SEC24A: variants seen among roughly 807,000 people sequenced by gnomAD.
SEC24A encodes SEC24 homolog A, COPII component.
Under a neutral mutation model 129.4 loss-of-function variants are expected in SEC24A, and 93 were observed. That is an observed-to-expected ratio of 0.72 (90% CI 0.61 to 0.85). The LOEUF is 0.85. SEC24A is among the 40% of genes least tolerant of loss of function. The probability of loss-of-function intolerance (pLI) is 0.00; values close to 1 mark genes in which losing one functional copy is unlikely to be tolerated. For synonymous variants in SEC24A, 460 were observed against 467.3 expected, an observed-to-expected ratio of 0.98 and a Z score of 0.20; for missense variants, 1,264 against 1,307.4, an observed-to-expected ratio of 0.97 and a Z score of 0.51.
chr5:134,701,533 C>T (rs542083366), intron 15 of SEC24A, among the ~76,000 whole-genome samples: 8 of 146,218 alleles, frequency 5.5e-5, no homozygotes, highest in Non-Finnish European at 7.5e-5. Context: ...TTTTTTGAGA[C>T]GGAGTCTCGG....
chr5:134,695,559 G>T (rs563326866), intron 13 of SEC24A, among the ~76,000 whole-genome samples: 80 of 152,212 alleles, frequency 5.3e-4, no homozygotes, highest in African/African-American at 1.9e-3. Context: ...GGCCAAGGTG[G>T]GTGGATCACG....
intron 15 of SEC24A, chr5:134,701,172 T>C (rs994710044): frequency 6.6e-6 from 1 of 152,232 alleles, no homozygotes; most frequent in Admixed American, 6.6e-5. Flanking sequence ...AATTTTTAAT[T>C]AAAATATGGA....
intron 7 of SEC24A, among the ~76,000 whole-genome samples, 196 bp from the exon 8 acceptor site, chr5:134,679,406 A>G (rs2150085871): frequency 6.6e-6 from 1 of 152,258 alleles, no homozygotes; most frequent in East Asian, 1.9e-4. Flanking sequence ...GTCTTGGAGC[A>G]AAATAGTAGG....
At chr5:134,693,979 A>T in intron 13 of SEC24A, 46 bp downstream of exon 13, 1 of 1,502,800 alleles carries the variant, frequency 6.7e-7, no homozygotes, top group South Asian at 1.1e-5. Flanking sequence ...CTGGTGTTCC[A>T]TCCCTGTGAC....
At chr5:134,685,335 C>T (rs1751413676) in intron 9 of SEC24A, among the ~76,000 whole-genome samples, 1 of 151,304 alleles carries the variant, frequency 6.6e-6, no homozygotes, top group Admixed American at 6.6e-5. Flanking sequence ...CACTGCACTC[C>T]AGCCTGAGTG....
chr5:134,670,476 G>C (rs1346786197), intron 3 of SEC24A, among the ~76,000 whole-genome samples: 1 of 152,160 alleles, frequency 6.6e-6, no homozygotes, highest in Non-Finnish European at 1.5e-5. Context: ...TTCTATTCCT[G>C]AATTAGAGCT....
intron 19 of SEC24A, among the ~76,000 whole-genome samples, chr5:134,716,614 A>G (rs1316189492): frequency 6.6e-6 from 1 of 151,898 alleles, no homozygotes; most frequent in African/African-American, 2.4e-5. Context: ...CCTGGCCAAC[A>G]TGGCGAAACC....
intron 21 of SEC24A, 21 bp downstream of exon 21, chr5:134,721,111 T>A: frequency 3.5e-6 from 5 of 1,425,832 alleles, no homozygotes; most frequent in Non-Finnish European, 4.9e-6. Flanking sequence ...TTTATTATAG[T>A]GATTATAAAG....
chr5:134,652,713 G>A (rs1490535936), intron 1 of SEC24A, among the ~76,000 whole-genome samples: 4 of 152,162 alleles, frequency 2.6e-5, no homozygotes, highest in East Asian at 1.9e-4. Context: ...TCAGCTTCCC[G>A]AGTAGCTGGG....
chr5:134,686,468 C>T (rs745825063), intron 9 of SEC24A, among the ~76,000 whole-genome samples: 1 of 152,174 alleles, frequency 6.6e-6, no homozygotes, highest in Non-Finnish European at 1.5e-5. Context: ...AACTCCTGAC[C>T]TCAGGTGATC....
At chr5:134,671,340 G>T (rs1053016521) in intron 3 of SEC24A, among the ~76,000 whole-genome samples, 1 of 152,048 alleles carries the variant, frequency 6.6e-6, no homozygotes, top group Non-Finnish European at 1.5e-5. Flanking sequence ...GATTACAGGC[G>T]TGAGCCACCG....
At chr5:134,678,465 CT>C (rs918671352) in intron 7 of SEC24A, among the ~76,000 whole-genome samples, 9 of 149,650 alleles carry the variant, frequency 6.0e-5, no homozygotes, top group African/African-American at 7.4e-5. Flanking sequence ...TTTAAAAACT[CT>C]TTTTTTTTGG....
chr5:134,686,681 C>A (rs560760476), intron 9 of SEC24A, 109 bp from the exon 10 acceptor site: 5 of 576,160 alleles, frequency 8.7e-6, no homozygotes, highest in Non-Finnish European at 1.5e-5. Context: ...ATAATCTCTA[C>A]TCAATCTGTA....
chr5:134,666,596 G>GA (rs943562269), intron 2 of SEC24A, among the ~76,000 whole-genome samples: 60 of 148,426 alleles, frequency 4.0e-4, no homozygotes, highest in Admixed American at 1.2e-3. Context: ...AAGAAAGAAA[G>GA]AAAAAAGGAA....
At chr5:134,703,290 CAG>C (rs1182461052) in intron 15 of SEC24A, among the ~76,000 whole-genome samples, 1 of 152,048 alleles carries the variant, frequency 6.6e-6, no homozygotes, top group Non-Finnish European at 1.5e-5. Context: ...CTTTTTGAGA[CAG>C]AGTCTTGCTC....
intron 3 of SEC24A, among the ~76,000 whole-genome samples, chr5:134,670,548 T>A (rs931079082): frequency 6.6e-6 from 1 of 152,208 alleles, no homozygotes; most frequent in Non-Finnish European, 1.5e-5. Context: ...GTCCCTGGCA[T>A]TTGTCTTTAA....
intron 11 of SEC24A, among the ~76,000 whole-genome samples, chr5:134,688,879 C>T (rs1192378498): frequency 6.6e-6 from 1 of 152,054 alleles, no homozygotes; most frequent in Non-Finnish European, 1.5e-5. Flanking sequence ...GAGGTTTCAC[C>T]ATGTTGGCCA....
rs908102505 is a variant in SEC24A at position 134,674,787 on chromosome 5, G to A, written c.978+12G>A. ...AAGCCTTTACTCAGGTAAACTTTTT[G>A]GGATTTTCTTTAACCTATTTCTCCA... is the stretch of plus-strand genomic sequence containing the variant. On this transcript the variant is annotated intron_variant, in intron 5 of 22. Coordinates refer to ENST00000398844, the MANE Select transcript of SEC24A (RefSeq NM_021982.3). 6.2e-7 allele frequency: 1 copy of A among 1,608,206 alleles called. No homozygotes were observed. The highest frequency in any genetic ancestry group is 1.3e-5 in the African/African-American group (1 of 74,724).
At chr5:134,656,903 A>G (rs570492246) in intron 1 of SEC24A, among the ~76,000 whole-genome samples, 1 of 151,502 alleles carries the variant, frequency 6.6e-6, no homozygotes, top group East Asian at 2.0e-4. Flanking sequence ...ATCCTTGATC[A>G]AGTGGGTGGA....
Sources: gnomAD v4.1 joint callset for allele counts (sites outside exome capture counted in the v4.1 genomes callset) on GRCh38, gnomAD v4.1.1 for gene constraint, MANE v1.5 for transcripts, NCBI Gene and HGNC (gene_info 2026-07-23, HGNC 2026-07-21) for gene names.